The following TEAD4 variants were observed in gnomAD, a reference collection of about 807,000 sequenced individuals.
TEAD4 encodes the protein TEA domain transcription factor 4.
A neutral mutation model predicts 52.4 loss-of-function variants in TEAD4; 36 were observed. The observed-to-expected ratio is 0.69, with a 90% CI of 0.53 to 0.91. The LOEUF (loss-of-function observed/expected upper bound fraction) is 0.91, where lower values mean the gene tolerates loss of function less well. Among genes scored for constraint, TEAD4 ranks in the 40% least tolerant of loss-of-function variants. The pLI is 0.00. For synonymous variants in TEAD4, 220 were observed against 231.0 expected, an observed-to-expected ratio of 0.95 and a Z score of 0.43; for missense variants, 508 against 583.9, an observed-to-expected ratio of 0.87 and a Z score of 1.34.
At chr12:3,031,773 C>T (rs1202379230) in intron 10 of TEAD4, among the ~76,000 whole-genome samples, 2 of 152,236 alleles carry the variant, frequency 1.3e-5, no homozygotes, top group African/African-American at 4.8e-5. Context: ...GGTAGAATCA[C>T]CTGCCAAAGG....
At chr12:2,979,977 C>G (rs890472481) in intron 2 of TEAD4, among the ~76,000 whole-genome samples, 6 of 152,238 alleles carry the variant, frequency 3.9e-5, no homozygotes, top group East Asian at 1.9e-4. Context: ...GGCAGGGGAG[C>G]CTGTTCCTCT....
At chr12:2,978,916 T>TTTTG (rs1355024550) in intron 2 of TEAD4, among the ~76,000 whole-genome samples, 1 of 151,916 alleles carries the variant, frequency 6.6e-6, no homozygotes, top group African/African-American at 2.4e-5. Context: ...TTCATGCCTT[T>TTTTG]TTTGTTTGTT....
intron 2 of TEAD4, among the ~76,000 whole-genome samples, chr12:2,982,579 G>A (rs567415579): frequency 9.8e-5 from 15 of 152,326 alleles, no homozygotes; most frequent in South Asian, 2.1e-4. Flanking sequence ...AGGGCGGTGC[G>A]TGGGAGGTTT....
intron 2 of TEAD4, among the ~76,000 whole-genome samples, chr12:2,962,082 T>C (rs539631368): frequency 2.0e-5 from 3 of 151,872 alleles, no homozygotes; most frequent in Admixed American, 6.6e-5. Context: ...TGTCAGCATC[T>C]AAGTCCCCCA....
intron 2 of TEAD4, among the ~76,000 whole-genome samples, chr12:2,971,068 C>G (rs956282355): frequency 6.6e-6 from 1 of 152,228 alleles, no homozygotes; most frequent in Non-Finnish European, 1.5e-5. Context: ...GCCACAGCAC[C>G]CACGGTGTGC....
intron 2 of TEAD4, among the ~76,000 whole-genome samples, chr12:2,992,049 C>T (rs1352533017): frequency 1.4e-5 from 2 of 139,522 alleles, no homozygotes; most frequent in Admixed American, 8.0e-5. Context: ...GGCGGAGTCT[C>T]GCTCTGTCGC....
chr12:3,013,508 C>T (rs61917978), intron 5 of TEAD4, among the ~76,000 whole-genome samples: 2,777 of 152,166 alleles, frequency 0.018, 35 homozygotes, highest in Non-Finnish European at 0.027. Flanking sequence ...CCGAGTTGGG[C>T]GGATCACTTG....
chr12:3,023,544 T>C (rs569559364), intron 10 of TEAD4, among the ~76,000 whole-genome samples: 1 of 151,762 alleles, frequency 6.6e-6, no homozygotes, highest in Admixed American at 6.6e-5. Context: ...TCCCAGCACT[T>C]TGGGAGGCTG....
intron 3 of TEAD4, among the ~76,000 whole-genome samples, chr12:3,007,376 A>C (rs1002253608): frequency 6.6e-6 from 1 of 152,226 alleles, no homozygotes; most frequent in East Asian, 1.9e-4. Flanking sequence ...GCCTCGGGCC[A>C]TATTCAAGCA....
At chr12:2,981,538 C>G (rs988747750) in intron 2 of TEAD4, among the ~76,000 whole-genome samples, 18 of 152,326 alleles carry the variant, frequency 1.2e-4, no homozygotes, top group African/African-American at 4.3e-4. Flanking sequence ...CCACCCAAGC[C>G]TCTGACACTC....
chr12:2,976,789 C>A (rs111911981), intron 2 of TEAD4, among the ~76,000 whole-genome samples: 5,704 of 152,002 alleles, frequency 0.038, 380 homozygotes, highest in African/African-American at 0.13. Flanking sequence ...CATTGCCGCC[C>A]GGGCCTGGGG....
At chr12:3,033,697 C>T (rs1313795508) in intron 10 of TEAD4, among the ~76,000 whole-genome samples, 1 of 152,222 alleles carries the variant, frequency 6.6e-6, no homozygotes, top group Non-Finnish European at 1.5e-5. Flanking sequence ...CACACCTGTT[C>T]CAGGCACAGC....
intron 3 of TEAD4, among the ~76,000 whole-genome samples, chr12:3,008,121 C>T (rs1175820652): frequency 6.6e-6 from 1 of 152,124 alleles, no homozygotes; most frequent in Admixed American, 6.5e-5. Context: ...ACAGACAGTA[C>T]TGAAATAAGT....
chr12:2,974,368 G>C (rs73246953), intron 2 of TEAD4, among the ~76,000 whole-genome samples: 4,945 of 152,260 alleles, frequency 0.032, 284 homozygotes, highest in African/African-American at 0.11. Flanking sequence ...GACCAGGCAG[G>C]GTGGCTCTGG....
intron 2 of TEAD4, among the ~76,000 whole-genome samples, chr12:2,985,979 G>T (rs1382082497): frequency 6.6e-6 from 1 of 151,856 alleles, no homozygotes; most frequent in African/African-American, 2.4e-5. Flanking sequence ...CCCAGCTACT[G>T]GGGAGGCTGA....
At chr12:2,977,754 T>A (rs2098230939) in intron 2 of TEAD4, among the ~76,000 whole-genome samples, 1 of 152,166 alleles carries the variant, frequency 6.6e-6, no homozygotes, top group African/African-American at 2.4e-5. Flanking sequence ...ACGTGGCCTT[T>A]CCCGAGAACT....
At chr12:2,963,561 G>A (rs1366989123) in intron 2 of TEAD4, among the ~76,000 whole-genome samples, 2 of 152,226 alleles carry the variant, frequency 1.3e-5, no homozygotes, top group African/African-American at 2.4e-5. Context: ...GGAGGTGGGG[G>A]CAGGGCTTTG....
chr12:3,039,406 G>A (rs572306284), intron 11 of TEAD4, among the ~76,000 whole-genome samples: 12 of 152,294 alleles, frequency 7.9e-5, no homozygotes, highest in South Asian at 2.1e-4. Flanking sequence ...GGAAATTGAC[G>A]TTGATGCAGT....
chr12:2,993,296 T>C (rs2098244636), intron 2 of TEAD4, among the ~76,000 whole-genome samples: 1 of 152,182 alleles, frequency 6.6e-6, no homozygotes, highest in Non-Finnish European at 1.5e-5. Flanking sequence ...TAACCACCAT[T>C]CTACTCTGTT....
Sources: allele counts gnomAD v4.1 joint callset (sites outside exome capture counted in the v4.1 genomes callset), GRCh38; gene constraint gnomAD v4.1.1; transcripts MANE v1.5; gene names NCBI Gene and HGNC (gene_info 2026-07-23, HGNC 2026-07-21).